Variants in RTTN observed in about 807,000 individuals in gnomAD.
RTTN encodes the protein rotatin.
In RTTN, 182 loss-of-function variants were observed where a neutral mutation model predicts 269.2. The observed-to-expected ratio is 0.68, with a 90% CI of 0.60 to 0.76. RTTN has a LOEUF of 0.76. RTTN is among the 30% of genes least tolerant of loss of function. The pLI, the probability that RTTN is intolerant of heterozygous loss-of-function variation, is 0.00. For missense variants in RTTN, 2,545 were observed against 2,608.6 expected, an observed-to-expected ratio of 0.98 and a Z score of 0.53; for synonymous variants, 1,006 against 963.5, an observed-to-expected ratio of 1.04 and a Z score of -0.82.
chr18:70,192,498 T>C (rs936092639), intron 8 of RTTN, among the ~76,000 whole-genome samples: 1 of 151,958 alleles, frequency 6.6e-6, no homozygotes, highest in African/African-American at 2.4e-5. Context: ...CTGGGAAACA[T>C]AGTGAGACCC....
chr18:70,134,333 C>G, intron 23 of RTTN, 140 bp downstream of exon 23: 1 of 657,008 alleles, frequency 1.5e-6, no homozygotes, highest in Non-Finnish European at 2.7e-6. Flanking sequence ...ATCTTCAAAG[C>G]ACCATTGTGA....
Position 70,149,902 on chromosome 18 carries a change from C to G in RTTN, c.2172+69G>C, listed in dbSNP as rs1235886181. On this transcript the variant is annotated intron_variant, in intron 16 of 48. Coordinates refer to ENST00000640769, the MANE Select transcript of RTTN (RefSeq NM_173630.4). ...CACAACTTGACAGTTTAGCTGTTTG[C>G]ATGCATTTAAATCAATCACACCCAG... The G allele has an allele frequency of 4.8e-6, 5 of 1,047,484 alleles. No individual in the cohort carries two copies. The African/African-American group carries it at 7.8e-5, about 16-fold the overall frequency. The allele number at this position is 1,047,484 out of a possible 1,614,324, so 64.9% of individuals were successfully genotyped here.
rs114723765 is a variant in RTTN, at chr18:70,095,938, C to T, written c.3904-3134G>A. ...GTCACTTTCAGGTACATCAATCAAA[C>T]GTAGGTTCACTCTTTTCACATAGTC... On this transcript the variant is annotated intron_variant, in intron 28 of 48. Coordinates refer to ENST00000640769, the MANE Select transcript of RTTN (RefSeq NM_173630.4). 1.5e-3 allele frequency among the ~76,000 whole-genome samples: 234 copies of T among 151,876 alleles called. 1 individual carries two copies. Among genetic ancestry groups the T allele is most frequent in the Middle Eastern group, 6.9e-3 (2 of 290 alleles).
In RTTN at chr18:70,006,813, A is replaced by G. The variant is rs60115813; in HGVS notation, c.6422-329T>C. The G allele has an allele frequency of 0.013, 2,693 of 203,742 alleles. 75 individuals are homozygous for G. The highest frequency in any genetic ancestry group is 0.057 in the African/African-American group (2,480 of 43,594). The allele number at this position is 203,742 out of a possible 1,614,324, so 12.6% of individuals were successfully genotyped here. A position where few individuals can be genotyped will look rare whatever the true frequency, so the allele number is the denominator to read the frequency against. The stretch of plus-strand genomic sequence containing the variant: ...AGGTACATTAATGAGTTACTCAATT[A>G]CAGCTAACATTCTGGCAGGCAGAAA... On this transcript the variant is annotated intron_variant, in intron 46 of 48. Transcript: ENST00000640769.
intron 14 of RTTN, among the ~76,000 whole-genome samples, chr18:70,153,657 C>T (rs1255577518): frequency 1.3e-5 from 2 of 152,172 alleles, no homozygotes. Flanking sequence ...GGTAAAGCTG[C>T]AGCAATGCCT....
intron 48 of RTTN, among the ~76,000 whole-genome samples, chr18:70,004,861 C>T (rs945745157): frequency 2.3e-5 from 1 of 43,500 alleles, no homozygotes; most frequent in Non-Finnish European, 3.3e-4. Context: ...CCTCCAGCTC[C>T]CTGATGTTAG....
intron 28 of RTTN, among the ~76,000 whole-genome samples, chr18:70,102,972 G>C (rs1453054327): frequency 6.6e-6 from 1 of 150,634 alleles, no homozygotes; most frequent in Non-Finnish European, 1.5e-5. Context: ...CTGCCCAGCT[G>C]TCCAGTCTGG....
At chr18:70,074,059 G>C in intron 33 of RTTN, 65 bp from the exon 34 acceptor site, 1 of 1,131,142 alleles carries the variant, frequency 8.8e-7, no homozygotes, top group Non-Finnish European at 1.3e-6. Flanking sequence ...TAATTAAAAG[G>C]GTACGCATTA....
At chr18:70,197,806 AC>A in intron 5 of RTTN, 68 bp from the exon 6 acceptor site, 2 of 944,604 alleles carry the variant, frequency 2.1e-6, no homozygotes, top group Non-Finnish European at 3.4e-6. Flanking sequence ...TAGCCTACTG[AC>A]ACAATGACTC....
At chr18:70,032,114 G>A (rs907568338) in intron 40 of RTTN, among the ~76,000 whole-genome samples, 4 of 152,212 alleles carry the variant, frequency 2.6e-5, no homozygotes, top group Admixed American at 6.5e-5. Context: ...CATGGCCAAG[G>A]ATGCCCATCC....
Position 70,109,257 on chromosome 18 carries a change from C to T in RTTN, c.3903+241G>A, listed in dbSNP as rs115590724. On this transcript the variant is annotated intron_variant, in intron 28 of 48. Transcript: ENST00000640769. ...AAATCCAAAATCTGAAATGCTCTAG[C>T]GAACACTTCCTTTGAGCATCAAAAG... 5.1e-3 allele frequency among the ~76,000 whole-genome samples: 779 copies of T among 152,180 alleles called. 7 individuals carry two copies. The highest frequency in any genetic ancestry group is 0.018 in the African/African-American group (746 of 41,526).
intron 1 of RTTN, 39 bp downstream of exon 1, chr18:70,205,589 G>GC (rs750313155): frequency 6.2e-5 from 100 of 1,613,416 alleles, no homozygotes; most frequent in Middle Eastern, 3.3e-4. Flanking sequence ...TGGCCAGAGC[G>GC]CGGGGGGTGC....
At chr18:70,055,393 C>T (rs568396349) in intron 37 of RTTN, among the ~76,000 whole-genome samples, 8 of 152,164 alleles carry the variant, frequency 5.3e-5, no homozygotes, top group African/African-American at 1.9e-4. Flanking sequence ...AGTCGAGAGC[C>T]TGTTGTAAAT....
chr18:70,165,016 T>C (rs1420767924), intron 14 of RTTN, among the ~76,000 whole-genome samples: 1 of 152,174 alleles, frequency 6.6e-6, no homozygotes, highest in African/African-American at 2.4e-5. Context: ...AAAGTGCTAA[T>C]AAAAACTAGC....
chr18:70,054,558 T>C (rs2057763438), intron 37 of RTTN, among the ~76,000 whole-genome samples: 1 of 152,198 alleles, frequency 6.6e-6, no homozygotes, highest in East Asian at 1.9e-4. Flanking sequence ...TGGCCAGGTG[T>C]GGTAGCTAAC....
At chr18:70,054,320 C>T (rs369626580) in intron 37 of RTTN, 36 bp from the exon 38 acceptor site, 3 of 1,557,298 alleles carry the variant, frequency 1.9e-6, no homozygotes, top group Non-Finnish European at 2.6e-6. Flanking sequence ...ATCAAACATG[C>T]CATATAAAAA....
chr18:70,037,068 A>G (rs945586015), intron 40 of RTTN, among the ~76,000 whole-genome samples: 2 of 152,168 alleles, frequency 1.3e-5, no homozygotes, highest in Admixed American at 6.5e-5. Flanking sequence ...CTCAGCCAAC[A>G]CCCATGCATG....
Position 70,049,265 on chromosome 18 carries a change from C to A in RTTN, c.5324-1077G>T, listed in dbSNP as rs2144787705. Among the ~76,000 whole-genome samples the A allele has an allele frequency of 1.3e-5, 2 of 152,220 alleles. 1 individual carries two copies. Among genetic ancestry groups the A allele is most frequent in the Middle Eastern group, 6.8e-3 (2 of 294 alleles). ...TTTATTTACCAAAACAAGCTGCAGG[C>A]CAGATTTATCTAATGTGGGTAGCAT... On this transcript the variant is annotated intron_variant, in intron 39 of 48. Coordinates refer to ENST00000640769, the MANE Select transcript of RTTN (RefSeq NM_173630.4).
chr18:70,050,096 G>A (rs966819996), intron 39 of RTTN, among the ~76,000 whole-genome samples: 13 of 152,038 alleles, frequency 8.6e-5, no homozygotes, highest in African/African-American at 2.7e-4. Flanking sequence ...ACTAAAGAGC[G>A]TCTGCATAGC....
Sources: gnomAD v4.1 joint callset for allele counts (sites outside exome capture counted in the v4.1 genomes callset) on GRCh38, gnomAD v4.1.1 for gene constraint, MANE v1.5 for transcripts, NCBI Gene and HGNC (gene_info 2026-07-23, HGNC 2026-07-21) for gene names.